The following NINJ2 variants were observed in gnomAD, a reference collection of about 807,000 sequenced individuals.
NINJ2 encodes the protein ninjurin 2.
In NINJ2, 12 loss-of-function variants were observed where a neutral mutation model predicts 11.7. The observed-to-expected ratio is 1.02, with a 90% CI of 0.66 to 1.66. NINJ2 has a LOEUF of 1.66. NINJ2 is among the 40% of genes most tolerant of loss of function. The probability of loss-of-function intolerance (pLI) is 0.00; values close to 1 mark genes in which losing one functional copy is unlikely to be tolerated. For synonymous variants in NINJ2, 93 were observed against 76.8 expected (o/e 1.21, Z -1.10); for missense variants, 187 against 181.8 (o/e 1.03, Z -0.16).
At chr12:623,358 C>T (rs1169706680) in intron 1 of NINJ2, among the ~76,000 whole-genome samples, 3 of 152,224 alleles carry the variant, frequency 2.0e-5, no homozygotes, top group African/African-American at 4.8e-5. Flanking sequence ...CCGAGCAGCT[C>T]TCCCTTCACC....
intron 1 of NINJ2, among the ~76,000 whole-genome samples, chr12:648,696 C>T (rs952039971): frequency 4.6e-5 from 7 of 152,206 alleles, no homozygotes; most frequent in African/African-American, 1.7e-4. Context: ...TGCACAGGAC[C>T]TGGAAGGCCT....
intron 1 of NINJ2, among the ~76,000 whole-genome samples, chr12:658,183 G>C (rs1432404035): frequency 6.6e-6 from 1 of 151,850 alleles, no homozygotes; most frequent in Non-Finnish European, 1.5e-5. Flanking sequence ...ATTTTTAGTA[G>C]AAGTGGGGTT....
Position 566,257 on chromosome 12 carries a change from T to A in NINJ2, c.34-79A>T, listed in dbSNP as rs1257757604. 3 of 1,201,152 alleles carry A rather than the reference T, an allele frequency of 2.5e-6. No homozygotes were observed. The Admixed American group carries it at 6.5e-5, about 26-fold the overall frequency. 74.4% of individuals were successfully genotyped at this position (1,201,152 alleles called of 1,614,324 possible). ...TGAGAGGTGGGAGAGAGGAGAGAGG[T>A]TTTAAAGCTCTTTCCAATCCAGATG... is the stretch of plus-strand genomic sequence containing the variant. On this transcript the variant is annotated intron_variant, in intron 1 of 3. Coordinates refer to ENST00000305108, the MANE Select transcript of NINJ2 (RefSeq NM_016533.6).
At chr12:612,426 G>A (rs745690116) in intron 1 of NINJ2, among the ~76,000 whole-genome samples, 2 of 152,172 alleles carry the variant, frequency 1.3e-5, no homozygotes, top group African/African-American at 4.8e-5. Flanking sequence ...AGGCTGGGTA[G>A]AGTAGGGGCG....
At chr12:638,964 TTAAAAA>T (rs1948388748) in intron 1 of NINJ2, among the ~76,000 whole-genome samples, 1 of 152,198 alleles carries the variant, frequency 6.6e-6, no homozygotes, top group Non-Finnish European at 1.5e-5. Context: ...TCTGCAACTG[TTAAAAA>T]TAATAAGGTG....
intron 1 of NINJ2, among the ~76,000 whole-genome samples, chr12:651,449 C>T (rs1464884876): frequency 6.6e-6 from 1 of 152,174 alleles, no homozygotes. Flanking sequence ...AAGACTGACA[C>T]CCAACCATAG....
Position 565,311 on chromosome 12 carries a change from A to T in NINJ2, c.353T>A (p.Ile118Asn), listed in dbSNP as rs1356164964. Reference sequence around the variant, plus strand: ...CCCGAAGGCTGTAATGAAAACATTGATGACCACAGTGAAGAAGACCAAGAT... The same window carrying T: ...CCCGAAGGCTGTAATGAAAACATTGTTGACCACAGTGAAGAAGACCAAGAT... ...ATILVFFTVV[I>N]NVFITAFGAH... The change falls in exon 3 of 4, where the codon ATC (isoleucine) becomes AAC (asparagine). Residue 118 changes from isoleucine to asparagine, a missense_variant. Transcript: ENST00000305108. 1 of 1,614,226 alleles carries T rather than the reference A, an allele frequency of 6.2e-7. No homozygotes were observed.
intron 1 of NINJ2, among the ~76,000 whole-genome samples, chr12:649,523 G>T (rs372407941): frequency 1.6e-4 from 8 of 48,640 alleles, no homozygotes; most frequent in African/African-American, 4.5e-4. Context: ...ATGTGTGTGT[G>T]TATATGTGTA....
At chr12:639,539 A>G (rs1948395204) in intron 1 of NINJ2, among the ~76,000 whole-genome samples, 1 of 152,098 alleles carries the variant, frequency 6.6e-6, no homozygotes, top group Non-Finnish European at 1.5e-5. Context: ...AATGCTGTGT[A>G]AGAATGAACA....
intron 1 of NINJ2, among the ~76,000 whole-genome samples, chr12:568,897 G>A (rs1238163125): frequency 1.9e-5 from 2 of 108,070 alleles, no homozygotes; most frequent in Non-Finnish European, 3.7e-5. Context: ...CCCGCCCCCC[G>A]GGTAAGCACT....
At chr12:650,002 AT>A (rs1937762167) in intron 1 of NINJ2, among the ~76,000 whole-genome samples, 1 of 152,040 alleles carries the variant, frequency 6.6e-6, no homozygotes, top group Admixed American at 6.6e-5. Context: ...TATGAATAAT[AT>A]TTCAATGAAC....
At chr12:577,433 A>ATG (rs1947479510) in intron 1 of NINJ2, among the ~76,000 whole-genome samples, 1 of 139,974 alleles carries the variant, frequency 7.1e-6, no homozygotes, top group African/African-American at 2.6e-5. Context: ...ATATATACAT[A>ATG]TATATATATA....
chr12:589,592 A>C (rs1186548453), intron 1 of NINJ2: 1 of 152,240 alleles, frequency 6.6e-6, no homozygotes, highest in Non-Finnish European at 1.5e-5. Context: ...TAACACTTCC[A>C]CTTCTAATTT....
At chr12:583,719 G>A (rs1211124395) in intron 1 of NINJ2, among the ~76,000 whole-genome samples, 1 of 152,192 alleles carries the variant, frequency 6.6e-6, no homozygotes, top group Non-Finnish European at 1.5e-5. Context: ...TGAAATGGAG[G>A]CGGTCAACCC....
chr12:583,288 C>T (rs1424215408), intron 1 of NINJ2, among the ~76,000 whole-genome samples: 1 of 152,266 alleles, frequency 6.6e-6, no homozygotes, highest in Non-Finnish European at 1.5e-5. Context: ...GGCCCAGATT[C>T]AGGCTAGAAG....
rs550495130 is a variant in NINJ2, at chr12:648,746, A to G, written c.33+14582T>C. 3.9e-5 allele frequency among the ~76,000 whole-genome samples: 6 copies of G among 152,320 alleles called. No individual in the cohort carries two copies. The South Asian group carries it at 8.3e-4, about 21-fold the overall frequency. The stretch of plus-strand genomic sequence containing the variant: ...CCAAATTTGGCCTTCAGGGTCCATC[A>G]TGATCTGATTCCAACCTACCATTAC... On this transcript the variant is annotated intron_variant, in intron 1 of 3. Transcript: ENST00000305108.
intron 1 of NINJ2, among the ~76,000 whole-genome samples, chr12:607,785 G>A (rs927914123): frequency 5.9e-5 from 9 of 152,174 alleles, no homozygotes; most frequent in Admixed American, 4.6e-4. Flanking sequence ...GAAACCTGTG[G>A]CCCACAGGAC....
intron 1 of NINJ2, among the ~76,000 whole-genome samples, chr12:634,068 A>G (rs1363099186): frequency 1.3e-5 from 2 of 152,068 alleles, no homozygotes; most frequent in African/African-American, 4.8e-5. Context: ...TAACAAAACC[A>G]AAAGACCCTA....
At chr12:574,826 T>C (rs111895493) in intron 1 of NINJ2, among the ~76,000 whole-genome samples, 1,836 of 152,392 alleles carry the variant, frequency 0.012, 42 homozygotes, top group African/African-American at 0.042. Context: ...AGTGAATTTA[T>C]GACTTCATCT....
Sources: gnomAD v4.1 joint callset for allele counts (sites outside exome capture counted in the v4.1 genomes callset) on GRCh38, gnomAD v4.1.1 for gene constraint, MANE v1.5 for transcripts, NCBI Gene and HGNC (gene_info 2026-07-23, HGNC 2026-07-21) for gene names.